The following SLC28A1 variants were observed in gnomAD, a reference collection of about 807,000 sequenced individuals.
The protein encoded by SLC28A1 is sodium/nucleoside cotransporter 1.
In SLC28A1, 64 loss-of-function variants were observed where a neutral mutation model predicts 74.8. That is an observed-to-expected ratio of 0.86 (90% CI 0.70 to 1.05). SLC28A1 has a LOEUF of 1.05. Ranked by LOEUF, SLC28A1 falls within the 50% of genes least tolerant of loss-of-function variation. The pLI, the probability that SLC28A1 is intolerant of heterozygous loss-of-function variation, is 0.00. For synonymous variants in SLC28A1, 359 were observed against 335.0 expected (o/e 1.07, Z -0.78); for missense variants, 828 against 822.8 (o/e 1.01, Z -0.08).
chr15:84,963,961 G>A, the SLC28A1 span, among the ~76,000 whole-genome samples: 18,984 of 152,104 alleles, frequency 0.12, 1,239 homozygotes, highest in African/African-American at 0.18. Flanking sequence ...TGCTCCAGAC[G>A]CTTGACCACT....
chr15:84,902,402 C>T (rs147911953), intron 6 of SLC28A1, among the ~76,000 whole-genome samples: 3,885 of 152,034 alleles, frequency 0.026, 161 homozygotes, highest in African/African-American at 0.085. Flanking sequence ...AGCGCTTAAA[C>T]CCCGGAGGTG....
At chr15:84,933,528 A>G (rs1239618993) in intron 13 of SLC28A1, among the ~76,000 whole-genome samples, 1 of 152,166 alleles carries the variant, frequency 6.6e-6, no homozygotes, top group Non-Finnish European at 1.5e-5. Context: ...GAGAAGTCCA[A>G]GGTCGAGGGG....
At chr15:84,962,449 GT>G in the SLC28A1 span, among the ~76,000 whole-genome samples, 1 of 151,102 alleles carries the variant, frequency 6.6e-6, no homozygotes, top group Non-Finnish European at 1.5e-5. Context: ...ATGATTTTTT[GT>G]TTTTTGAGAT....
chr15:84,925,861 C>T (rs1004617234), intron 12 of SLC28A1, among the ~76,000 whole-genome samples: 1 of 151,710 alleles, frequency 6.6e-6, no homozygotes, highest in Non-Finnish European at 1.5e-5. Context: ...CACTGATGTT[C>T]AAAGGAATTA....
At chr15:84,939,320 A>G (rs1972362836) in intron 15 of SLC28A1, among the ~76,000 whole-genome samples, 1 of 151,996 alleles carries the variant, frequency 6.6e-6, no homozygotes, top group African/African-American at 2.4e-5. Flanking sequence ...ACCCTGTCTG[A>G]AAACAAAAGA....
chr15:84,951,908 C>T, the SLC28A1 span, among the ~76,000 whole-genome samples: 1 of 152,146 alleles, frequency 6.6e-6, no homozygotes, highest in Non-Finnish European at 1.5e-5. Context: ...AATTTAGCTT[C>T]ATGATGGGAA....
chr15:84,930,858 C>T (rs541417364), intron 12 of SLC28A1, among the ~76,000 whole-genome samples: 1 of 152,108 alleles, frequency 6.6e-6, no homozygotes, highest in African/African-American at 2.4e-5. Context: ...CAACCTCCGC[C>T]TCCTGGGTTT....
chr15:84,935,566 G>C (rs1297721079), intron 15 of SLC28A1, 48 bp downstream of exon 15: 17 of 1,534,414 alleles, frequency 1.1e-5, no homozygotes, highest in Middle Eastern at 1.7e-4. Context: ...ACACGGCACA[G>C]CCACTCCTCA....
chr15:84,967,568 A>G, the SLC28A1 span, among the ~76,000 whole-genome samples: 1 of 152,316 alleles, frequency 6.6e-6, no homozygotes, highest in East Asian at 1.9e-4. Flanking sequence ...TTAGAAACCA[A>G]AAAGAAACAG....
chr15:84,933,002 A>G (rs1211905224), intron 12 of SLC28A1, 143 bp from the exon 13 acceptor site: 1 of 777,402 alleles, frequency 1.3e-6, no homozygotes, highest in Non-Finnish European at 2.2e-6. Context: ...TATTATTATT[A>G]TTAGTGATGA....
chr15:84,971,499 C>T, the SLC28A1 span, among the ~76,000 whole-genome samples: 1 of 152,150 alleles, frequency 6.6e-6, no homozygotes, highest in Non-Finnish European at 1.5e-5. Flanking sequence ...CCTCTCTCAC[C>T]ATGTGATCTG....
At chr15:84,911,781 C>T (rs899004020) in intron 9 of SLC28A1, among the ~76,000 whole-genome samples, 5 of 148,732 alleles carry the variant, frequency 3.4e-5, no homozygotes, top group African/African-American at 1.2e-4. Context: ...ATGACTTGAA[C>T]CTGGGAGACG....
At chr15:84,948,089 C>A (rs530195992), downstream of SLC28A1, among the ~76,000 whole-genome samples, 25 of 152,286 alleles carry the variant, frequency 1.6e-4, no homozygotes, top group Admixed American at 4.6e-4. Flanking sequence ...CAATAGGCAA[C>A]ATGCCAAGGT....
chr15:84,954,797 T>C, the SLC28A1 span, among the ~76,000 whole-genome samples: 1 of 152,234 alleles, frequency 6.6e-6, no homozygotes. Context: ...GTCATTGTGG[T>C]ATTTTTATGA....
downstream of SLC28A1, among the ~76,000 whole-genome samples, chr15:84,946,112 ATTT>A (rs1165709632): frequency 7.4e-4 from 10 of 13,474 alleles, no homozygotes; most frequent in Non-Finnish European, 8.1e-4. Context: ...ATATATATAT[ATTT>A]TTTTTTTTTT....
chr15:84,956,468 C>CTTTCCTTCTTTCTTTCTTTCTTTCT, the SLC28A1 span, among the ~76,000 whole-genome samples: 9 of 67,126 alleles, frequency 1.3e-4, no homozygotes, highest in African/African-American at 4.0e-4. Flanking sequence ...TCTTTCTTTC[C>CTTTCCTTCTTTCTTTCTTTCTTTCT]TTCTTTCTTT....
At chr15:84,946,110 A>ATTTTTTTTT (rs1382844934), downstream of SLC28A1, among the ~76,000 whole-genome samples, 5 of 9,592 alleles carry the variant, frequency 5.2e-4, no homozygotes, top group Admixed American at 2.0e-3. Context: ...ATATATATAT[A>ATTTTTTTTT]TATTTTTTTT....
intron 12 of SLC28A1, among the ~76,000 whole-genome samples, chr15:84,925,068 T>G (rs1415978143): frequency 1.7e-5 from 1 of 60,572 alleles, no homozygotes. Context: ...GCCCAGCTAG[T>G]TTTTTTTTTT....
chr15:84,929,089 T>C (rs7169549), intron 12 of SLC28A1, among the ~76,000 whole-genome samples: 1,945 of 152,322 alleles, frequency 0.013, 28 homozygotes, highest in African/African-American at 0.036. Context: ...GCTAGTCGTA[T>C]TGAAAAACTT....
Sources: allele counts gnomAD v4.1 joint callset (sites outside exome capture counted in the v4.1 genomes callset), GRCh38; gene constraint gnomAD v4.1.1; transcripts MANE v1.5; gene names NCBI Gene and HGNC (gene_info 2026-07-23, HGNC 2026-07-21).